Variants in SVEP1 observed in about 807,000 individuals in gnomAD.
The protein encoded by SVEP1 is sushi, von Willebrand factor type A, EGF and pentraxin domain containing 1.
In SVEP1, 164 loss-of-function variants were observed where a neutral mutation model predicts 367.3. The observed-to-expected ratio is 0.45, with a 90% confidence interval of 0.39 to 0.51. SVEP1 has a LOEUF of 0.51. Among genes scored for constraint, SVEP1 ranks in the 20% least tolerant of loss-of-function variants. The pLI is 0.00. For missense variants in SVEP1, 4,117 were observed against 4,425.3 expected, an observed-to-expected ratio of 0.93 and a Z score of 1.98; for synonymous variants, 1,666 against 1,611.6, an observed-to-expected ratio of 1.03 and a Z score of -0.81.
chr9:110,470,829 G>A (rs913998572), intron 16 of SVEP1, among the ~76,000 whole-genome samples: 1 of 151,420 alleles, frequency 6.6e-6, no homozygotes, highest in Non-Finnish European at 1.5e-5. Context: ...TGCACAACGT[G>A]CAGGTTTCTT....
chr9:110,511,487 CCTTTTTTTTTTTTTTT>C (rs778367164), intron 5 of SVEP1, among the ~76,000 whole-genome samples: 15,324 of 68,924 alleles, frequency 0.22, 1,228 homozygotes, highest in East Asian at 0.41. Flanking sequence ...TGTGTCAGTA[CCTTTTTTTTTTTTTTT>C]TTTTTTTTTT....
intron 3 of SVEP1, among the ~76,000 whole-genome samples, chr9:110,522,281 T>G (rs1829885274): frequency 6.6e-6 from 1 of 152,184 alleles, no homozygotes; most frequent in African/African-American, 2.4e-5. Flanking sequence ...GAGAGCCTTC[T>G]GGGAGAAAAC....
At chr9:110,366,680 C>T (rs1827205559) in intron 47 of SVEP1, 120 bp from the exon 48 acceptor site, 1 of 959,256 alleles carries the variant, frequency 1.0e-6, no homozygotes. Flanking sequence ...TGGGCATTAT[C>T]TGTGATGTTT....
intron 1 of SVEP1, among the ~76,000 whole-genome samples, chr9:110,570,970 C>CTTTTT (rs374900472): frequency 4.4e-5 from 5 of 114,922 alleles, no homozygotes; most frequent in Non-Finnish European, 7.2e-5. Flanking sequence ...CAGATGGCTC[C>CTTTTT]TTTTTTTTTT....
chr9:110,432,318 G>A, intron 31 of SVEP1, 144 bp downstream of exon 31: 1 of 1,089,384 alleles, frequency 9.2e-7, no homozygotes, highest in Non-Finnish European at 1.3e-6. Context: ...ACATACAGCT[G>A]CTTTGTCACT....
chr9:110,545,284 G>A (rs540079356), intron 3 of SVEP1, among the ~76,000 whole-genome samples: 1 of 152,276 alleles, frequency 6.6e-6, no homozygotes, highest in Admixed American at 6.5e-5. Context: ...TATCTGCCCA[G>A]TAGTGGGATT....
chr9:110,549,712 C>T, intron 2 of SVEP1, 137 bp downstream of exon 2: 7 of 1,142,792 alleles, frequency 6.1e-6, no homozygotes, highest in Non-Finnish European at 8.6e-6. Flanking sequence ...TTTCATGATG[C>T]CCAAAGGACA....
At chr9:110,432,238 AAG>A (rs1183220208) in intron 31 of SVEP1, among the ~76,000 whole-genome samples, 1 of 152,248 alleles carries the variant, frequency 6.6e-6, no homozygotes, top group African/African-American at 2.4e-5. Flanking sequence ...GGGCAAGTAT[AAG>A]ACAGGGATAT....
At chr9:110,559,711 T>C (rs1010012513) in intron 1 of SVEP1, among the ~76,000 whole-genome samples, 2 of 152,100 alleles carry the variant, frequency 1.3e-5, no homozygotes. Flanking sequence ...AAGAATATGT[T>C]AAGGAAATAA....
At chr9:110,528,156 GTATATATATA>G (rs59360366) in intron 3 of SVEP1, among the ~76,000 whole-genome samples, 4 of 33,940 alleles carry the variant, frequency 1.2e-4, no homozygotes, top group African/African-American at 2.1e-4. Context: ...GTGTGTGTGT[GTATATATATA>G]TATATATATA....
chr9:110,525,993 A>G (rs1829936091), intron 3 of SVEP1, among the ~76,000 whole-genome samples: 1 of 152,176 alleles, frequency 6.6e-6, no homozygotes, highest in Non-Finnish European at 1.5e-5. Flanking sequence ...CGTAAGTACA[A>G]TAATTAACCT....
chr9:110,482,545 T>C, intron 10 of SVEP1, 53 bp from the exon 11 acceptor site: 6 of 1,543,632 alleles, frequency 3.9e-6, no homozygotes, highest in East Asian at 4.9e-5. Flanking sequence ...AATATTTTTT[T>C]TGAAACAGTC....
In SVEP1 at chr9:110,434,419, T is replaced by G. The variant is rs1828400663; in HGVS notation, c.4976A>C (p.Asp1659Ala). 1 of 1,613,480 alleles carries G rather than the reference T, an allele frequency of 6.2e-7. No individual in the cohort carries two copies. Among genetic ancestry groups the G allele is most frequent in the Non-Finnish European group, 8.5e-7 (1 of 1,179,726 alleles). ...KPGSKVNLFC[D>A]PGFQLVGNPV... The stretch of plus-strand genomic sequence containing the variant: ...GTTCCCGACCAGCTGGAAGCCTGGA[T>G]CACAGAACAGATTGACTTTGGAACC... The change falls in exon 30 of 48, where the codon GAT (aspartate) becomes GCT (alanine). Residue 1659 changes from aspartate to alanine, a missense_variant. Transcript: ENST00000374469.
At chr9:110,455,561 T>C in intron 22 of SVEP1, 29 bp downstream of exon 22, 3 of 1,522,974 alleles carry the variant, frequency 2.0e-6, no homozygotes, top group Middle Eastern at 1.7e-4. Flanking sequence ...AAGATTTATA[T>C]TGTTGAAAAC....
chr9:110,461,040 T>C (rs1828850544), intron 18 of SVEP1, among the ~76,000 whole-genome samples: 1 of 152,238 alleles, frequency 6.6e-6, no homozygotes. Context: ...AATCTTATTA[T>C]TTTTAACCTT....
Position 110,408,807 on chromosome 9 carries a change from C to T in SVEP1, c.6793G>A (p.Gly2265Arg), listed in dbSNP as rs1265747040. 1 of 1,613,092 alleles carries T rather than the reference C, an allele frequency of 6.2e-7. No homozygotes were observed. Among genetic ancestry groups the T allele is most frequent in the South Asian group, 1.1e-5 (1 of 91,076 alleles). ...CCATTCTGGATCGGGGGAGGTTTTCCACAGTCGAGAGGAACACACATCAGA... is the reference window on the plus strand; with the variant it reads ...CCATTCTGGATCGGGGGAGGTTTTCTACAGTCGAGAGGAACACACATCAGA... ...SPLMCVPLDC[G>R]KPPPIQNGFM... is the part of the protein sequence containing the mutation. Residue 2265 changes from glycine to arginine, a missense_variant, in exon 38 of 48, where the codon GGA becomes AGA. Gly to Arg is a moderately radical substitution (Grantham distance 125). Around this residue, in one of 4 missense-constraint regions of SVEP1, gnomAD observed 1,765 missense variants for 1,781.1 expected, o/e 0.99. Transcript: ENST00000374469.
chr9:110,579,047 C>T lies in SVEP1; in HGVS notation c.497G>A (p.Gly166Asp). ...EIPAISYRGG[G>D]TYTKGAFQQA... ...CTGGAAGGCGCCCTTGGTGTAGGTG[C>T]CGCCACCTCGGTAGGAGATGGCAGG... Residue 166 changes from glycine (G) to aspartate (D), a missense_variant, in exon 1 of 48, where the codon GGC (glycine) becomes GAC (aspartate). Gly to Asp is a moderately conservative substitution (Grantham distance 94). Around this residue, in one of 4 missense-constraint regions of SVEP1, gnomAD observed 2,174 missense variants for 2,494.3 expected, o/e 0.87. Transcript: ENST00000374469. This position sits in a 1 kb window ranked among gnomAD's most constrained non-coding sequence, Gnocchi z 5.3. The T allele has an allele frequency of 6.5e-7, 1 of 1,548,598 alleles. No individual in the cohort carries two copies. Among genetic ancestry groups the T allele is most frequent in the Non-Finnish European group, 8.7e-7 (1 of 1,146,762 alleles).
At chr9:110,528,769 G>GATT (rs917329469) in intron 3 of SVEP1, among the ~76,000 whole-genome samples, 2 of 150,950 alleles carry the variant, frequency 1.3e-5, no homozygotes, top group Admixed American at 1.3e-4. Context: ...GTTTACTGTT[G>GATT]ATTATTATTA....
At chr9:110,416,612 G>C (rs771962877) in intron 36 of SVEP1, among the ~76,000 whole-genome samples, 1 of 151,860 alleles carries the variant, frequency 6.6e-6, no homozygotes, top group Non-Finnish European at 1.5e-5. Flanking sequence ...AAATGACTGA[G>C]AATATTCTAA....
Sources: allele counts gnomAD v4.1 joint callset (sites outside exome capture counted in the v4.1 genomes callset), GRCh38; gene constraint gnomAD v4.1.1; regional missense constraint gnomAD v4.1.1; non-coding constraint Gnocchi (gnomAD v3.1); transcripts MANE v1.5; gene names NCBI Gene and HGNC (gene_info 2026-07-23, HGNC 2026-07-21).